OSBP2: variants seen among roughly 807,000 people sequenced by gnomAD.
OSBP2 encodes oxysterol binding protein 2.
Under a neutral mutation model 96.0 loss-of-function variants are expected in OSBP2, and 66 were observed. The ratio of observed to expected loss-of-function variants is 0.69; its 90% CI spans 0.56 to 0.84. The LOEUF (loss-of-function observed/expected upper bound fraction) is 0.84. Among genes scored for constraint, OSBP2 ranks in the 40% least tolerant of loss-of-function variants. OSBP2 has a pLI of 0.00. For synonymous variants in OSBP2, 525 were observed against 520.9 expected (o/e 1.01, Z -0.11); for missense variants, 1,038 against 1,222.7 (o/e 0.85, Z 2.25).
rs779370189 is a variant in OSBP2 at position 30,906,189 on chromosome 22, C to A, written c.2609-8C>A. On this transcript the variant is annotated splice_region_variant and splice_polypyrimidine_tract_variant and intron_variant, in intron 13 of 13. Transcript: ENST00000332585. ...CCCACCCACCAGCCCACTGTGCCTG[C>A]CCAGCAGAGAAGGAGGCGGATGCCT... The A allele has an allele frequency of 1.2e-6, 2 of 1,613,890 alleles. No homozygotes were observed. The highest frequency in any genetic ancestry group is 3.3e-5 in the Admixed American group (2 of 60,022).
chr22:30,734,101 A>G lies in OSBP2; in HGVS notation c.645-7060A>G, dbSNP rs1209213934. On this transcript the variant is annotated intron_variant, in intron 1 of 13. Transcript: ENST00000332585. Reference sequence around the variant, plus strand: ...ACGACTCTCCTGCCTCAGCCTCCTGAGTAGCTGGGATTACAGACATGCACC... The same window carrying G: ...ACGACTCTCCTGCCTCAGCCTCCTGGGTAGCTGGGATTACAGACATGCACC... 9.2e-5 allele frequency among the ~76,000 whole-genome samples: 14 copies of G among 152,122 alleles called. No homozygotes were observed. The East Asian group carries it at 2.7e-3, about 29-fold the overall frequency.
chr22:30,869,784 G>A (rs768568302), intron 2 of OSBP2, among the ~76,000 whole-genome samples: 35 of 152,312 alleles, frequency 2.3e-4, no homozygotes, highest in Middle Eastern at 3.4e-3. Context: ...GGTGGCATTG[G>A]GCTGGCCCTC....
At chr22:30,723,068 C>T (rs1407962851) in intron 1 of OSBP2, among the ~76,000 whole-genome samples, 1 of 152,126 alleles carries the variant, frequency 6.6e-6, no homozygotes, top group African/African-American at 2.4e-5. Context: ...GGATTACAGG[C>T]ATGAGCCACC....
intron 3 of OSBP2, among the ~76,000 whole-genome samples, chr22:30,874,775 C>T (rs1490842805): frequency 6.6e-6 from 1 of 152,256 alleles, no homozygotes; most frequent in South Asian, 2.1e-4. Context: ...TTCTAGAACA[C>T]CCCTTCCTCA....
chr22:30,902,360 G>A, intron 12 of OSBP2: 1 of 1,580,626 alleles, frequency 6.3e-7, no homozygotes, highest in South Asian at 1.1e-5. Flanking sequence ...CTGCTATATA[G>A]AATTCGATGA....
chr22:30,831,068 C>T (rs549989791), intron 2 of OSBP2, among the ~76,000 whole-genome samples: 2 of 152,270 alleles, frequency 1.3e-5, no homozygotes, highest in South Asian at 4.1e-4. Flanking sequence ...TAAAGTTTTT[C>T]CTTTGTGTTT....
chr22:30,785,417 A>AG (rs1478034726), intron 2 of OSBP2, among the ~76,000 whole-genome samples: 1 of 152,026 alleles, frequency 6.6e-6, no homozygotes, highest in East Asian at 1.9e-4. Context: ...AAAAAAAAAA[A>AG]TTAGCTGGAC....
chr22:30,856,446 G>A (rs1014301508), intron 2 of OSBP2, among the ~76,000 whole-genome samples: 1 of 144,130 alleles, frequency 6.9e-6, no homozygotes, highest in African/African-American at 2.6e-5. Flanking sequence ...GAGTGCAGTG[G>A]CATGATGTCA....
intron 3 of OSBP2, among the ~76,000 whole-genome samples, chr22:30,887,215 C>G (rs1303814036): frequency 1.3e-5 from 2 of 152,144 alleles, no homozygotes; most frequent in African/African-American, 4.8e-5. Flanking sequence ...TTTACTGCAA[C>G]CTGTTTTATC....
At chr22:30,829,829 T>G (rs1281582447) in intron 2 of OSBP2, among the ~76,000 whole-genome samples, 1 of 152,210 alleles carries the variant, frequency 6.6e-6, no homozygotes, top group Non-Finnish European at 1.5e-5. Flanking sequence ...AGTAATAATA[T>G]TTGACTGGTC....
At chr22:30,723,111 A>G (rs1167800126) in intron 1 of OSBP2, among the ~76,000 whole-genome samples, 1 of 148,688 alleles carries the variant, frequency 6.7e-6, no homozygotes, top group Non-Finnish European at 1.5e-5. Context: ...ATACATTACA[A>G]TTGGTTGATA....
At position 30,881,925 on chromosome 22, in the gene OSBP2, C is replaced by A; in HGVS notation, c.1108-5501C>A. 1 of 836,460 alleles carries A rather than the reference C, an allele frequency of 1.2e-6. No homozygotes were observed. Among genetic ancestry groups the A allele is most frequent in the Non-Finnish European group, 1.7e-6 (1 of 593,530 alleles). 51.8% of individuals were successfully genotyped at this position (836,460 alleles called of 1,614,324 possible). On this transcript the variant is annotated intron_variant, in intron 3 of 13. Transcript: ENST00000332585. The surrounding 1 kb of genome is among the most constrained non-coding windows in gnomAD (Gnocchi z 4.5). ...CCACATGAGGCCTTTGATATTAGGG[C>A]ACAGCAGTTTTCACCCTGCCCCGCT...
At chr22:30,819,638 T>C (rs984332706) in intron 2 of OSBP2, among the ~76,000 whole-genome samples, 5 of 152,244 alleles carry the variant, frequency 3.3e-5, no homozygotes, top group Non-Finnish European at 2.9e-5. Flanking sequence ...TTTTTGATTG[T>C]GACTTATAGT....
chr22:30,778,332 C>T (rs560649352), intron 2 of OSBP2, among the ~76,000 whole-genome samples: 27 of 151,452 alleles, frequency 1.8e-4, no homozygotes, highest in Admixed American at 2.6e-4. Context: ...CACACACACA[C>T]ACCCACTGAC....
chr22:30,864,044 T>C (rs78081818), intron 2 of OSBP2, among the ~76,000 whole-genome samples: 1 of 151,862 alleles, frequency 6.6e-6, no homozygotes, highest in African/African-American at 2.4e-5. Context: ...AATCTCAGCT[T>C]GCTACAACCT....
At chr22:30,853,665 G>GT (rs971000357) in intron 2 of OSBP2, among the ~76,000 whole-genome samples, 1 of 151,706 alleles carries the variant, frequency 6.6e-6, no homozygotes, top group Admixed American at 6.6e-5. Flanking sequence ...CTATTTTGCT[G>GT]TTTTTTCTCA....
chr22:30,864,682 G>A (rs1325500951), intron 2 of OSBP2, among the ~76,000 whole-genome samples: 14 of 151,732 alleles, frequency 9.2e-5, no homozygotes, highest in African/African-American at 2.9e-4. Flanking sequence ...AGGCCCCACC[G>A]GCCTGTCCCC....
chr22:30,730,808 A>ATTT (rs1491303061), intron 1 of OSBP2, among the ~76,000 whole-genome samples: 9 of 39,322 alleles, frequency 2.3e-4, no homozygotes, highest in Non-Finnish European at 3.1e-4. Flanking sequence ...ATATATATAT[A>ATTT]ATTTTTTTTT....
At chr22:30,734,389 C>T (rs758892033) in intron 1 of OSBP2, among the ~76,000 whole-genome samples, 24 of 152,146 alleles carry the variant, frequency 1.6e-4, no homozygotes, top group Admixed American at 5.9e-4. Context: ...ATATTGCACA[C>T]CTCCATAGCC....
Sources: gnomAD v4.1 joint callset for allele counts (sites outside exome capture counted in the v4.1 genomes callset) on GRCh38, gnomAD v4.1.1 for gene constraint, Gnocchi (gnomAD v3.1) non-coding constraint, MANE v1.5 for transcripts, NCBI Gene and HGNC (gene_info 2026-07-23, HGNC 2026-07-21) for gene names.